PDE8B: variants seen among roughly 807,000 people sequenced by gnomAD.
The protein encoded by PDE8B is high affinity cAMP-specific and IBMX-insensitive 3',5'-cyclic phosphodiesterase 8B.
A neutral mutation model predicts 101.3 loss-of-function variants in PDE8B; 26 were observed. The observed-to-expected ratio is 0.26, with a 90% CI of 0.19 to 0.36. The LOEUF is 0.36. Ranked by LOEUF, PDE8B falls within the 10% of genes least tolerant of loss-of-function variation. The probability of loss-of-function intolerance (pLI) is 1.00; values close to 1 mark genes in which losing one functional copy is unlikely to be tolerated. For synonymous variants in PDE8B, 424 were observed against 429.3 expected, an observed-to-expected ratio of 0.99 and a Z score of 0.15; for missense variants, 810 against 1,163.1, an observed-to-expected ratio of 0.70 and a Z score of 4.42.
At chr5:77,386,147 T>G (rs1234312910) in intron 10 of PDE8B, among the ~76,000 whole-genome samples, 1 of 152,174 alleles carries the variant, frequency 6.6e-6, no homozygotes, top group African/African-American at 2.4e-5. Flanking sequence ...AGAGACTGTT[T>G]GTTTTGATTT....
At chr5:77,336,787 T>C (rs1375418932) in intron 5 of PDE8B, among the ~76,000 whole-genome samples, 2 of 152,176 alleles carry the variant, frequency 1.3e-5, no homozygotes, top group Non-Finnish European at 2.9e-5. Context: ...GTTTAACTTT[T>C]CCCCTGCATT....
At chr5:77,218,932 G>T (rs1026222444) in intron 1 of PDE8B, among the ~76,000 whole-genome samples, 1 of 152,180 alleles carries the variant, frequency 6.6e-6, no homozygotes, top group African/African-American at 2.4e-5. Context: ...GCCAATAGAT[G>T]ACTAACTGGA....
intron 1 of PDE8B, among the ~76,000 whole-genome samples, chr5:77,254,749 T>C (rs1217472955): frequency 6.6e-6 from 1 of 152,234 alleles, no homozygotes; most frequent in Non-Finnish European, 1.5e-5. Context: ...CTTTTGTGCC[T>C]GCTGTTTTCT....
intron 10 of PDE8B, among the ~76,000 whole-genome samples, chr5:77,374,093 A>G (rs1581317482): frequency 2.0e-5 from 3 of 152,080 alleles, no homozygotes. Flanking sequence ...CAGGTGATCC[A>G]CCTGCCTCAG....
At chr5:77,294,148 G>A (rs984442147) in intron 1 of PDE8B, among the ~76,000 whole-genome samples, 8 of 152,160 alleles carry the variant, frequency 5.3e-5, no homozygotes, top group Non-Finnish European at 7.3e-5. Flanking sequence ...GGGCAATAAT[G>A]TAAATTGACA....
intron 2 of PDE8B, 51 bp downstream of exon 2, chr5:77,312,104 TC>T (rs766550117): frequency 1.7e-5 from 21 of 1,211,090 alleles, no homozygotes; most frequent in Admixed American, 3.9e-5. Flanking sequence ...CTTTTTTTTT[TC>T]TTTTTTTTTT....
At chr5:77,374,818 T>C (rs1785743626) in intron 10 of PDE8B, among the ~76,000 whole-genome samples, 1 of 152,224 alleles carries the variant, frequency 6.6e-6, no homozygotes, top group Non-Finnish European at 1.5e-5. Flanking sequence ...GAAGGCAGCA[T>C]ACACGCTTGT....
intron 1 of PDE8B, among the ~76,000 whole-genome samples, chr5:77,256,078 C>G (rs1759104090): frequency 1.3e-5 from 2 of 152,190 alleles, no homozygotes; most frequent in African/African-American, 4.8e-5. Flanking sequence ...GTCATTATCT[C>G]ATGGGAAACT....
At chr5:77,150,875 C>A in the PDE8B span, among the ~76,000 whole-genome samples, 2 of 152,204 alleles carry the variant, frequency 1.3e-5, no homozygotes, top group African/African-American at 4.8e-5. Context: ...AGGTCCAAAG[C>A]TAACAGGTAT....
the PDE8B span, among the ~76,000 whole-genome samples, chr5:77,100,767 C>T: frequency 6.6e-6 from 1 of 152,100 alleles, no homozygotes; most frequent in Non-Finnish European, 1.5e-5. Flanking sequence ...TTTCAGGGGT[C>T]TCACTCTCCA....
chr5:77,099,623 T>C, the PDE8B span, among the ~76,000 whole-genome samples: 125 of 151,662 alleles, frequency 8.2e-4, no homozygotes, highest in Non-Finnish European at 1.5e-3. Flanking sequence ...TTTTTTTTTT[T>C]CTTTGTGAGA....
chr5:77,264,698 T>C (rs1263095703), intron 1 of PDE8B, among the ~76,000 whole-genome samples: 2 of 152,142 alleles, frequency 1.3e-5, no homozygotes, highest in African/African-American at 4.8e-5. Context: ...ATCCTGTGGG[T>C]AGATATTACT....
chr5:77,424,362 C>G (rs1355783831), intron 20 of PDE8B, among the ~76,000 whole-genome samples: 1 of 152,182 alleles, frequency 6.6e-6, no homozygotes, highest in Non-Finnish European at 1.5e-5. Context: ...TGTTCATAAG[C>G]CAGGGTGACC....
At chr5:77,131,490 G>A in the PDE8B span, among the ~76,000 whole-genome samples, 5 of 152,150 alleles carry the variant, frequency 3.3e-5, no homozygotes, top group African/African-American at 9.7e-5. Flanking sequence ...AAGAAAGTGG[G>A]TTTGGACATT....
intron 1 of PDE8B, among the ~76,000 whole-genome samples, chr5:77,269,046 A>T (rs1298285829): frequency 6.6e-6 from 1 of 151,988 alleles, no homozygotes; most frequent in Non-Finnish European, 1.5e-5. Flanking sequence ...AGAAACCTCC[A>T]AACTGTCCTT....
At chr5:77,331,493 G>T in intron 5 of PDE8B, 34 bp downstream of exon 5, 2 of 1,539,352 alleles carry the variant, frequency 1.3e-6, no homozygotes, top group Non-Finnish European at 1.8e-6. Context: ...TCTCTCAGTT[G>T]CAGGCACCTT....
the PDE8B span, among the ~76,000 whole-genome samples, chr5:77,133,050 A>G: frequency 6.6e-6 from 1 of 152,212 alleles, no homozygotes; most frequent in Non-Finnish European, 1.5e-5. Flanking sequence ...GAGATGACCT[A>G]TGATTCCACA....
chr5:77,142,037 A>T, the PDE8B span: 3 of 152,202 alleles, frequency 2.0e-5, no homozygotes, highest in Non-Finnish European at 4.4e-5. Context: ...CATGTCATTG[A>T]TATAAATTTT....
chr5:77,201,920 G>A, the PDE8B span, among the ~76,000 whole-genome samples: 1 of 152,188 alleles, frequency 6.6e-6, no homozygotes, highest in Admixed American at 6.5e-5. Flanking sequence ...TAGGTGTCTG[G>A]TGAGGCCTCC....
Sources: allele counts gnomAD v4.1 joint callset (sites outside exome capture counted in the v4.1 genomes callset), GRCh38; gene constraint gnomAD v4.1.1; transcripts MANE v1.5; gene names NCBI Gene and HGNC (gene_info 2026-07-23, HGNC 2026-07-21).